The following HMGCLL1 variants were observed in gnomAD, a reference collection of about 807,000 sequenced individuals.
HMGCLL1 encodes 3-hydroxy-3-methylglutaryl-CoA lyase like 1.
In HMGCLL1, 36 loss-of-function variants were observed where a neutral mutation model predicts 39.1. That is an observed-to-expected ratio of 0.92 (90% CI 0.71 to 1.22). The LOEUF (loss-of-function observed/expected upper bound fraction) is 1.22. Among genes scored for constraint, HMGCLL1 ranks in the 50% most tolerant of loss-of-function variants. The probability of loss-of-function intolerance (pLI) is 0.00; values close to 1 mark genes in which losing one functional copy is unlikely to be tolerated. For synonymous variants in HMGCLL1, 149 were observed against 144.0 expected (o/e 1.03, Z -0.25); for missense variants, 451 against 416.5 (o/e 1.08, Z -0.72).
intron 1 of HMGCLL1, among the ~76,000 whole-genome samples, chr6:55,546,423 A>G (rs2127461797): frequency 6.6e-6 from 1 of 152,134 alleles, no homozygotes; most frequent in Non-Finnish European, 1.5e-5. Flanking sequence ...CAAAATGGAT[A>G]CATAATAAGC....
At chr6:55,635,347 A>G in the HMGCLL1 span, among the ~76,000 whole-genome samples, 4 of 152,114 alleles carry the variant, frequency 2.6e-5, no homozygotes, top group Non-Finnish European at 1.5e-5. Context: ...AACCCTTAGT[A>G]TGAAACATTG....
chr6:55,515,903 C>A (rs1484172922), intron 4 of HMGCLL1, among the ~76,000 whole-genome samples: 2 of 151,958 alleles, frequency 1.3e-5, no homozygotes, highest in East Asian at 1.9e-4. Flanking sequence ...ATAGCTGCTG[C>A]AAAACCTATG....
At chr6:55,499,373 T>A in intron 5 of HMGCLL1, 74 bp from the exon 6 acceptor site, 1 of 1,112,842 alleles carries the variant, frequency 9.0e-7, no homozygotes, top group Non-Finnish European at 1.3e-6. Flanking sequence ...AATTAAGAAT[T>A]AGCTGAAACT....
chr6:55,608,783 G>A, the HMGCLL1 span, among the ~76,000 whole-genome samples: 3 of 152,212 alleles, frequency 2.0e-5, no homozygotes, highest in Admixed American at 1.3e-4. Context: ...AATACTGGGC[G>A]AAGCCAAGAT....
At position 55,473,321 on chromosome 6, in the gene HMGCLL1, C is replaced by T. The variant is rs144212515; in HGVS notation, c.795+22098G>A. Among the ~76,000 whole-genome samples, 635 of 151,452 alleles carry T rather than the reference C, an allele frequency of 4.2e-3. 6 individuals carry two copies. Among genetic ancestry groups the T allele is most frequent in the African/African-American group, 0.014 (597 of 41,442 alleles). On this transcript the variant is annotated intron_variant, in intron 7 of 8. Coordinates refer to ENST00000274901, the MANE Select transcript of HMGCLL1 (RefSeq NM_001042406.2). ...CAGTCATTACATTCTTTTTTCTCCA[C>T]ATTTTTCAATCTTCTCTGGTTTTAA...
the HMGCLL1 span, among the ~76,000 whole-genome samples, chr6:55,641,750 A>G: frequency 6.6e-6 from 1 of 151,952 alleles, no homozygotes; most frequent in Admixed American, 6.6e-5. Context: ...GTAAAAGGGA[A>G]GAAAATCAAA....
At chr6:55,570,878 T>C (rs1347140502) in intron 1 of HMGCLL1, among the ~76,000 whole-genome samples, 1 of 152,212 alleles carries the variant, frequency 6.6e-6, no homozygotes, top group African/African-American at 2.4e-5. Flanking sequence ...TCCACATGGC[T>C]AGGGAGGCCT....
At chr6:55,594,543 T>C in the HMGCLL1 span, among the ~76,000 whole-genome samples, 2 of 152,234 alleles carry the variant, frequency 1.3e-5, no homozygotes, top group Admixed American at 1.3e-4. Flanking sequence ...CATGGTTAAA[T>C]GTGCAGGAAA....
At position 55,527,921 on chromosome 6, in the gene HMGCLL1, C is replaced by T. The variant is rs147724917; in HGVS notation, c.298-11318G>A. 5.8e-3 allele frequency among the ~76,000 whole-genome samples: 881 copies of T among 152,028 alleles called. 11 individuals are homozygous for T. Among genetic ancestry groups the T allele is most frequent in the African/African-American group, 0.02 (846 of 41,516 alleles). ...TGGTATGTCTTTTTATTGGTACATC[C>T]ATAAGATTTCCGAGTACATCTCATG... On this transcript the variant is annotated intron_variant, in intron 3 of 8. Coordinates refer to ENST00000274901, the MANE Select transcript of HMGCLL1 (RefSeq NM_001042406.2).
chr6:55,572,598 ATTCT>A (rs1459452998), intron 1 of HMGCLL1, among the ~76,000 whole-genome samples: 2 of 152,058 alleles, frequency 1.3e-5, no homozygotes, highest in African/African-American at 2.4e-5. Context: ...TAATCTTTTT[ATTCT>A]TTCTTTGTAA....
chr6:55,653,365 G>T, the HMGCLL1 span, among the ~76,000 whole-genome samples: 5 of 151,960 alleles, frequency 3.3e-5, no homozygotes, highest in African/African-American at 1.2e-4. Context: ...AAATTTTAAA[G>T]TCGATTGTAT....
the HMGCLL1 span, among the ~76,000 whole-genome samples, chr6:55,619,065 T>C: frequency 4.6e-5 from 7 of 151,826 alleles, no homozygotes; most frequent in Non-Finnish European, 7.4e-5. Context: ...CCCTGGATGG[T>C]AGAAATTGTC....
At chr6:55,663,135 G>T in the HMGCLL1 span, among the ~76,000 whole-genome samples, 1 of 150,686 alleles carries the variant, frequency 6.6e-6, no homozygotes, top group African/African-American at 2.4e-5. Flanking sequence ...ACATACTCCT[G>T]AACTCATTAA....
chr6:55,540,977 C>T (rs1002416337), intron 3 of HMGCLL1, among the ~76,000 whole-genome samples: 1 of 152,024 alleles, frequency 6.6e-6, no homozygotes, highest in South Asian at 2.1e-4. Flanking sequence ...ATAACTGATT[C>T]ATTAGAATAG....
the HMGCLL1 span, among the ~76,000 whole-genome samples, chr6:55,678,435 T>C: frequency 2.0e-5 from 3 of 152,076 alleles, no homozygotes; most frequent in African/African-American, 7.2e-5. Context: ...AAGCCTGCTT[T>C]ATGGTCTTAA....
chr6:55,669,176 C>T, the HMGCLL1 span, among the ~76,000 whole-genome samples: 3 of 151,424 alleles, frequency 2.0e-5, no homozygotes, highest in Non-Finnish European at 4.4e-5. Context: ...CTGAACATGC[C>T]TGGATCTATC....
At chr6:55,674,610 T>G in the HMGCLL1 span, among the ~76,000 whole-genome samples, 1 of 152,054 alleles carries the variant, frequency 6.6e-6, no homozygotes, top group African/African-American at 2.4e-5. Context: ...ATACTTTTGC[T>G]GAAATTTCTG....
the HMGCLL1 span, among the ~76,000 whole-genome samples, chr6:55,675,298 T>C: frequency 2.0e-5 from 3 of 152,152 alleles, no homozygotes; most frequent in African/African-American, 7.2e-5. Context: ...TCTATTCTTA[T>C]CTTTTCTGAG....
At chr6:55,521,374 C>T (rs996303348) in intron 3 of HMGCLL1, among the ~76,000 whole-genome samples, 1 of 151,988 alleles carries the variant, frequency 6.6e-6, no homozygotes, top group East Asian at 1.9e-4. Flanking sequence ...GCAGACCTAG[C>T]TTTATTCAGC....
Sources: allele counts gnomAD v4.1 joint callset (sites outside exome capture counted in the v4.1 genomes callset), GRCh38; gene constraint gnomAD v4.1.1; transcripts MANE v1.5; gene names NCBI Gene and HGNC (gene_info 2026-07-23, HGNC 2026-07-21).